Variants in CNTN1 observed in about 807,000 individuals in gnomAD.
CNTN1 encodes contactin 1.
A neutral mutation model predicts 126.4 loss-of-function variants in CNTN1; 38 were observed. That is an observed-to-expected ratio of 0.30 (90% CI 0.23 to 0.39). The LOEUF is 0.39. Ranked by LOEUF, CNTN1 falls within the 10% of genes least tolerant of loss-of-function variation. The pLI is 1.00. For missense variants in CNTN1, 1,009 were observed against 1,248.4 expected (o/e 0.81, Z 2.89); for synonymous variants, 413 against 422.6 (o/e 0.98, Z 0.28).
intron 1 of CNTN1, among the ~76,000 whole-genome samples, chr12:40,792,505 A>G (rs1479579317): frequency 2.4e-3 from 2 of 822 alleles, no homozygotes; most frequent in African/African-American, 2.8e-3. Flanking sequence ...GAGGTAATGA[A>G]AAACATTCAA....
Position 41,025,213 on chromosome 12 carries a change from G to A in CNTN1, c.2587G>A (p.Glu863Lys), listed in dbSNP as rs547521958. The A allele has an allele frequency of 5.0e-6, 8 of 1,613,852 alleles. No individual in the cohort carries two copies. The highest frequency in any genetic ancestry group is 1.1e-5 in the South Asian group (1 of 91,078). Reference protein sequence around the residue: ...AANRVQVTSQEYSARLENLLP... With the variant: ...AANRVQVTSQKYSARLENLLP... Reference sequence around the variant, plus strand: ...AAACAGAGTTCAAGTCACCAGCCAAGAGTACTCGGCCAGGCTCGAGAACCT... The same window carrying A: ...AAACAGAGTTCAAGTCACCAGCCAAAAGTACTCGGCCAGGCTCGAGAACCT... Residue 863 changes from glutamate to lysine, a missense_variant, in exon 21 of 24, where the codon GAG (glutamate) becomes AAG (lysine). By Grantham distance (56) the Glu-to-Lys change is moderately conservative. Coordinates refer to ENST00000551295, the MANE Select transcript of CNTN1 (RefSeq NM_001843.4).
At chr12:40,940,383 G>A (rs1448438476) in intron 12 of CNTN1, among the ~76,000 whole-genome samples, 2 of 152,062 alleles carry the variant, frequency 1.3e-5, no homozygotes, top group Non-Finnish European at 2.9e-5. Flanking sequence ...ATGCTAAGGG[G>A]CTTGGGCTTC....
At chr12:40,908,548 C>T (rs757946624) in intron 2 of CNTN1, 55 bp downstream of exon 2, 201 of 1,253,650 alleles carry the variant, frequency 1.6e-4, no homozygotes, top group South Asian at 3.1e-4. Context: ...AATTGATATG[C>T]GTGTTTATTA....
intron 1 of CNTN1, among the ~76,000 whole-genome samples, chr12:40,897,313 A>G (rs565976187): frequency 6.6e-6 from 1 of 152,320 alleles, no homozygotes; most frequent in South Asian, 2.1e-4. Flanking sequence ...AGGGATCAAA[A>G]GGTAGATCCA....
At chr12:40,839,521 A>G (rs1942197095) in intron 1 of CNTN1, among the ~76,000 whole-genome samples, 1 of 152,174 alleles carries the variant, frequency 6.6e-6, no homozygotes, top group African/African-American at 2.4e-5. Flanking sequence ...AATCCTAAAA[A>G]CAGCAAGAGA....
intron 14 of CNTN1, among the ~76,000 whole-genome samples, chr12:40,947,172 G>T (rs548610831): frequency 1.3e-5 from 2 of 151,950 alleles, no homozygotes; most frequent in South Asian, 4.2e-4. Flanking sequence ...ACCTAGTACT[G>T]ATTATAGAAA....
chr12:41,030,357 T>C (rs943787807), intron 23 of CNTN1, among the ~76,000 whole-genome samples: 2 of 152,082 alleles, frequency 1.3e-5, no homozygotes, highest in African/African-American at 4.8e-5. Flanking sequence ...CCACAATACA[T>C]ATATACATCC....
intron 23 of CNTN1, among the ~76,000 whole-genome samples, 163 bp from the exon 24 acceptor site, chr12:41,069,796 C>A (rs1261774771): frequency 2.0e-5 from 3 of 152,044 alleles, no homozygotes; most frequent in Non-Finnish European, 4.4e-5. Context: ...TGATCAAAAG[C>A]TTTTGTTTTT....
chr12:40,745,819 G>A (rs187475416), intron 1 of CNTN1, among the ~76,000 whole-genome samples: 7 of 152,220 alleles, frequency 4.6e-5, no homozygotes, highest in Admixed American at 1.3e-4. Context: ...TTCCTTATCT[G>A]TCATGTGATG....
chr12:40,766,890 G>A lies in CNTN1; in HGVS notation c.-77+74298G>A, dbSNP rs1939118922. On this transcript the variant is annotated intron_variant, in intron 1 of 23. Transcript: ENST00000551295. ...CTTCTCAATCAGACAGGAATATATG[G>A]ACAGAGCAGATGTGAGCCTGTGGGA... is the stretch of plus-strand genomic sequence containing the variant. 2.0e-5 allele frequency among the ~76,000 whole-genome samples: 3 copies of A among 152,272 alleles called. No homozygotes were observed. The South Asian group carries it at 6.2e-4, about 32-fold the overall frequency.
chr12:40,802,166 T>G (rs1940682283), intron 1 of CNTN1, among the ~76,000 whole-genome samples: 1 of 151,978 alleles, frequency 6.6e-6, no homozygotes, highest in Admixed American at 6.6e-5. Flanking sequence ...ATTAAGTGGA[T>G]GTGTCTACAG....
intron 1 of CNTN1, among the ~76,000 whole-genome samples, chr12:40,720,938 CAAAA>C (rs146396039): frequency 0.21 from 30,460 of 143,792 alleles, 3,171 homozygotes; most frequent in Middle Eastern, 0.28. Flanking sequence ...CTCAAAAAAA[CAAAA>C]AAAGAGAAAT....
Position 41,012,099 on chromosome 12 carries a change from C to T in CNTN1, c.2114-2129C>T, listed in dbSNP as rs150352618. 2.4e-3 allele frequency among the ~76,000 whole-genome samples: 372 copies of T among 152,194 alleles called. 1 individual carries two copies. Among genetic ancestry groups the T allele is most frequent in the African/African-American group, 8.6e-3 (356 of 41,536 alleles). ...AGTGCTTGGGTAAAGGAGAGGATTC[C>T]TATTCCACTAGGTGGTGCTGCTGAC... On this transcript the variant is annotated intron_variant, in intron 17 of 23. Coordinates refer to ENST00000551295, the MANE Select transcript of CNTN1 (RefSeq NM_001843.4).
chr12:40,918,913 A>T (rs558874986), intron 4 of CNTN1, 142 bp downstream of exon 4: 8 of 1,000,404 alleles, frequency 8.0e-6, no homozygotes, highest in African/African-American at 1.6e-5. Context: ...ACAAACTATT[A>T]AAAAAGTTGC....
chr12:40,891,692 A>G (rs1944244805), intron 1 of CNTN1, among the ~76,000 whole-genome samples: 1 of 152,066 alleles, frequency 6.6e-6, no homozygotes, highest in Non-Finnish European at 1.5e-5. Context: ...TCAGTTGATT[A>G]TCTTTATATG....
At chr12:41,045,104 C>T (rs543495272) in intron 23 of CNTN1, among the ~76,000 whole-genome samples, 1 of 152,042 alleles carries the variant, frequency 6.6e-6, no homozygotes, top group South Asian at 2.1e-4. Flanking sequence ...ATTAAGATAT[C>T]TATTCTTTAC....
intron 1 of CNTN1, among the ~76,000 whole-genome samples, chr12:40,711,940 T>C (rs1044263060): frequency 6.6e-6 from 1 of 152,126 alleles, no homozygotes; most frequent in Non-Finnish European, 1.5e-5. Context: ...AGCTGTTCTC[T>C]AACTCCTGGC....
chr12:40,871,480 G>T (rs1943492936), intron 1 of CNTN1, among the ~76,000 whole-genome samples: 1 of 152,078 alleles, frequency 6.6e-6, no homozygotes. Flanking sequence ...GGGGCAAAGT[G>T]GTTGGATTTG....
chr12:40,927,064 A>T (rs1036604125), intron 6 of CNTN1, among the ~76,000 whole-genome samples: 6 of 151,978 alleles, frequency 3.9e-5, no homozygotes, highest in African/African-American at 1.4e-4. Flanking sequence ...ATGATTCATC[A>T]TTCAATAAGT....
Sources: allele counts gnomAD v4.1 joint callset (sites outside exome capture counted in the v4.1 genomes callset), GRCh38; gene constraint gnomAD v4.1.1; transcripts MANE v1.5; gene names NCBI Gene and HGNC (gene_info 2026-07-23, HGNC 2026-07-21).